The following MTERF4 variants were observed in gnomAD, a reference collection of about 807,000 sequenced individuals.
MTERF4 encodes the protein transcription termination factor 4, mitochondrial.
In MTERF4, 17 loss-of-function variants were observed where a neutral mutation model predicts 22.5. The ratio of observed to expected loss-of-function variants is 0.75; its 90% CI spans 0.52 to 1.13. The LOEUF is 1.13. MTERF4 is among the 50% of genes most tolerant of loss of function. MTERF4 has a pLI of 0.00. For synonymous variants in MTERF4, 165 were observed against 175.3 expected, an observed-to-expected ratio of 0.94 and a Z score of 0.47; for missense variants, 420 against 466.8, an observed-to-expected ratio of 0.90 and a Z score of 0.92.
chr2:241,065,041 C>T, the MTERF4 span: 27 of 1,083,442 alleles, frequency 2.5e-5, no homozygotes, highest in Admixed American at 2.8e-4. Flanking sequence ...AAGGGCAGAG[C>T]GTCTGGCCGC....
chr2:241,062,644 A>G, the MTERF4 span: 1 of 696,990 alleles, frequency 1.4e-6, no homozygotes, highest in Non-Finnish European at 2.6e-6. Context: ...CCCCGACTCC[A>G]AGGATATCCA....
chr2:241,097,101 T>G, intron 3 of MTERF4, 142 bp downstream of exon 3: 1 of 972,692 alleles, frequency 1.0e-6, no homozygotes, highest in Non-Finnish European at 1.5e-6. Flanking sequence ...ATAACTGACC[T>G]TCACTACATT....
At chr2:241,069,858 G>T (rs13000549), downstream of MTERF4, 358,733 of 1,561,492 alleles carry the variant, frequency 0.23, 43,333 homozygotes, top group Middle Eastern at 0.29. The surrounding 1 kb of genome is among the most constrained non-coding windows in gnomAD (Gnocchi z 4.9). Context: ...TTCTCAAACC[G>T]TGTTCTTGCC....
At chr2:241,082,807 G>T (rs1354611183), downstream of MTERF4, among the ~76,000 whole-genome samples, 1 of 152,246 alleles carries the variant, frequency 6.6e-6, no homozygotes, top group Non-Finnish European at 1.5e-5. Context: ...GGCTGTGGAG[G>T]GAGAGATGCC....
the MTERF4 span, among the ~76,000 whole-genome samples, chr2:241,066,862 A>G: frequency 6.6e-6 from 1 of 152,158 alleles, no homozygotes; most frequent in African/African-American, 2.4e-5. Flanking sequence ...GCTTGAGCCC[A>G]CCCAGAGGCC....
At chr2:241,078,462 C>G (rs1490974848) in intron 4 of MTERF4, among the ~76,000 whole-genome samples, 1 of 151,408 alleles carries the variant, frequency 6.6e-6, no homozygotes, top group African/African-American at 2.4e-5. Context: ...ACGATTCAAC[C>G]ATAAAACAAG....
downstream of MTERF4, chr2:241,094,178 G>A (rs55938551): frequency 0.081 from 31,062 of 384,198 alleles, 1,676 homozygotes; most frequent in African/African-American, 0.19. This position sits in a 1 kb window ranked among gnomAD's most constrained non-coding sequence, Gnocchi z 4.3. Context: ...TCCCCATTGC[G>A]TGTGGGCTGC....
downstream of MTERF4, chr2:241,093,341 C>T (rs376747626): frequency 1.3e-5 from 2 of 152,666 alleles, no homozygotes; most frequent in East Asian, 3.8e-4. Flanking sequence ...ATGCTAAGAT[C>T]GAGTGATATC....
chr2:241,093,404 C>T (rs2064171760), downstream of MTERF4: 1 of 152,682 alleles, frequency 6.5e-6, no homozygotes, highest in African/African-American at 2.4e-5. Flanking sequence ...CTACTAGGAC[C>T]TCAAGCCCCT....
Position 241,073,937 on chromosome 2 carries a change from C to T in MTERF4, n.2225G>A, listed in dbSNP as rs959564876. 2 of 158,168 alleles carry T rather than the reference C, an allele frequency of 1.3e-5. No homozygotes were observed. The highest frequency in any genetic ancestry group is 4.8e-5 in the African/African-American group (2 of 41,656). The allele number at this position is 158,168 out of a possible 1,614,324, so 9.8% of individuals were successfully genotyped here. A position where few individuals can be genotyped will look rare whatever the true frequency, so the allele number is the denominator to read the frequency against. ...CACCTGCAGTAAGAGTTCCCAGACG[C>T]TCACGAGGCAGTTCCCCTTCGGGCA... On this transcript the variant is annotated non_coding_transcript_exon_variant, in exon 5 of 5. Coordinates refer to the MTERF4 transcript ENST00000464344. The surrounding 1 kb of genome is among the most constrained non-coding windows in gnomAD (Gnocchi z 6.6).
chr2:241,054,176 C>CA, the MTERF4 span, among the ~76,000 whole-genome samples: 1 of 152,198 alleles, frequency 6.6e-6, no homozygotes, highest in Non-Finnish European at 1.5e-5. Flanking sequence ...ATGACCCCCC[C>CA]TCCCAATGCT....
the MTERF4 span, among the ~76,000 whole-genome samples, chr2:241,046,417 T>A: frequency 6.6e-6 from 1 of 152,224 alleles, no homozygotes; most frequent in Non-Finnish European, 1.5e-5. Context: ...CTTCACTGGG[T>A]GAATGGATAG....
At chr2:241,069,638 G>T (rs1439591231), downstream of MTERF4, among the ~76,000 whole-genome samples, 2 of 152,172 alleles carry the variant, frequency 1.3e-5, no homozygotes, top group African/African-American at 4.8e-5. The surrounding 1 kb of genome is among the most constrained non-coding windows in gnomAD (Gnocchi z 4.9). Context: ...AACCGACTGT[G>T]CCGCAGGGAG....
rs934341046 is a variant in MTERF4, at chr2:241,096,109, G to C, written c.1035C>G (p.Asp345Glu). 1.2e-6 allele frequency: 2 copies of C among 1,613,072 alleles called. No individual in the cohort carries two copies. The highest frequency in any genetic ancestry group is 8.5e-7 in the Non-Finnish European group (1 of 1,179,632). Residue 345 changes from aspartate (D) to glutamate (E), a missense_variant, in exon 4 of 4, where the codon GAC becomes GAG. Coordinates refer to ENST00000391980, the MANE Select transcript of MTERF4 (RefSeq NM_182501.4). This position sits in a 1 kb window ranked among gnomAD's most constrained non-coding sequence, Gnocchi z 5.1. ...CCTCATCATTGTCCTCCTCATCATC[G>C]TCATCCTCATCCTCATCCAGACTTG... Reference protein sequence around the residue: ...KRASLDEDEDDDDEEDNDEDD... With the variant: ...KRASLDEDEDEDDEEDNDEDD...
At chr2:241,090,965 A>G (rs1022392671), downstream of MTERF4, among the ~76,000 whole-genome samples, 3 of 152,178 alleles carry the variant, frequency 2.0e-5, no homozygotes, top group Non-Finnish European at 4.4e-5. Flanking sequence ...GCGGTCCTTC[A>G]TCGTGCAGTG....
downstream of MTERF4, chr2:241,088,521 G>A (rs1208980641): frequency 1.5e-5 from 12 of 802,560 alleles, no homozygotes; most frequent in Admixed American, 5.9e-5. Flanking sequence ...TAAAGGAAGC[G>A]CGGTCCTGTG....
chr2:241,081,711 G>T, intron 4 of MTERF4: 2 of 1,609,394 alleles, frequency 1.2e-6, no homozygotes, highest in Non-Finnish European at 1.7e-6. Flanking sequence ...ACCCCTGTCA[G>T]AACGGAGGCA....
chr2:241,094,980 C>G (rs573796630), downstream of MTERF4: 1 of 152,212 alleles, frequency 6.6e-6, no homozygotes, highest in Non-Finnish European at 1.5e-5. The surrounding 1 kb of genome is among the most constrained non-coding windows in gnomAD (Gnocchi z 4.3). Context: ...GGGATCACCC[C>G]GGCTGACATC....
chr2:241,082,146 C>A, downstream of MTERF4: 1 of 709,302 alleles, frequency 1.4e-6, no homozygotes, highest in Non-Finnish European at 2.4e-6. Context: ...CCCGGGCCCT[C>A]TCCCACCATC....
Sources: gnomAD v4.1 joint callset for allele counts (sites outside exome capture counted in the v4.1 genomes callset) on GRCh38, gnomAD v4.1.1 for gene constraint, Gnocchi (gnomAD v3.1) non-coding constraint, MANE v1.5 for transcripts, NCBI Gene and HGNC (gene_info 2026-07-23, HGNC 2026-07-21) for gene names.